Variants in RTTN observed in about 807,000 individuals in gnomAD.
RTTN encodes the protein rotatin.
RTTN carries 182 observed loss-of-function variants against 269.2 expected under a neutral mutation model. The observed-to-expected ratio is 0.68, with a 90% CI of 0.60 to 0.76. RTTN has a LOEUF of 0.76. RTTN is among the 30% of genes least tolerant of loss of function. RTTN has a pLI of 0.00. For synonymous variants in RTTN, 1,006 were observed against 963.5 expected (o/e 1.04, Z -0.82); for missense variants, 2,545 against 2,608.6 (o/e 0.98, Z 0.53).
At chr18:70,084,153 CAA>C (rs1334722660) in intron 32 of RTTN, among the ~76,000 whole-genome samples, 1 of 151,504 alleles carries the variant, frequency 6.6e-6, no homozygotes, top group Non-Finnish European at 1.5e-5. Flanking sequence ...GCCTATGAAA[CAA>C]GAGCACTAGC....
chr18:70,024,852 T>C lies in RTTN; in HGVS notation c.5824-4A>G. ...GGTGAGCTTCAAGAGCTGCTTCCTG[T>C]TGAAGGAAGGGAAAAAGACAGCATT... On this transcript the variant is annotated splice_region_variant and splice_polypyrimidine_tract_variant and intron_variant, in intron 43 of 48. Coordinates refer to ENST00000640769, the MANE Select transcript of RTTN (RefSeq NM_173630.4). 1.2e-6 allele frequency: 2 copies of C among 1,611,998 alleles called. No individual in the cohort carries two copies. The highest frequency in any genetic ancestry group is 2.2e-5 in the South Asian group (2 of 90,532).
chr18:70,036,646 T>C (rs1192913266), intron 40 of RTTN, among the ~76,000 whole-genome samples: 2 of 152,070 alleles, frequency 1.3e-5, no homozygotes, highest in Admixed American at 6.6e-5. Context: ...ACCCCCATGA[T>C]ACAAGTTTAC....
chr18:70,192,722 A>G (rs149264312), intron 8 of RTTN, among the ~76,000 whole-genome samples: 1,867 of 150,576 alleles, frequency 0.012, 23 homozygotes, highest in South Asian at 0.039. Flanking sequence ...AACAAATACC[A>G]TAAATTGTTC....
intron 25 of RTTN, among the ~76,000 whole-genome samples, chr18:70,125,604 T>G (rs2145596036): frequency 6.6e-6 from 1 of 152,138 alleles, no homozygotes; most frequent in African/African-American, 2.4e-5. Context: ...TTCTCTATAT[T>G]TTGTTTTGTC....
At chr18:70,057,679 A>C in intron 37 of RTTN, 63 bp downstream of exon 37, 1 of 1,237,456 alleles carries the variant, frequency 8.1e-7, no homozygotes, top group Non-Finnish European at 1.2e-6. Flanking sequence ...GTATCTCCTC[A>C]GCAAGATTTT....
At chr18:70,097,974 A>T (rs1298378485) in intron 28 of RTTN, among the ~76,000 whole-genome samples, 1 of 152,226 alleles carries the variant, frequency 6.6e-6, no homozygotes, top group East Asian at 1.9e-4. Context: ...TCCTGATTTC[A>T]AAGAGTAAAA....
At position 70,004,254 on chromosome 18, in the gene RTTN, G is replaced by A. The variant is rs1369170284; in HGVS notation, c.6596-18C>T. Reference sequence around the variant, plus strand: ...TGGGAAAGCTGAGATAGAAAAATAAGAGTACAGAAATACTAGTTTATGAAA... The same window carrying A: ...TGGGAAAGCTGAGATAGAAAAATAAAAGTACAGAAATACTAGTTTATGAAA... On this transcript the variant is annotated intron_variant, in intron 48 of 48. Coordinates refer to ENST00000640769, the MANE Select transcript of RTTN (RefSeq NM_173630.4). The A allele has an allele frequency of 6.3e-7, 1 of 1,577,042 alleles. No individual in the cohort carries two copies. The highest frequency in any genetic ancestry group is 8.7e-7 in the Non-Finnish European group (1 of 1,146,808).
intron 4 of RTTN, among the ~76,000 whole-genome samples, chr18:70,201,413 TA>T (rs561925455): frequency 7.6e-5 from 11 of 144,350 alleles, no homozygotes; most frequent in African/African-American, 1.3e-4. Context: ...CCATCCCGGC[TA>T]AAAAAAAAAC....
At position 70,004,094 on chromosome 18, in the gene RTTN, C is replaced by G. The variant is rs1239353822; in HGVS notation, c.*57G>C. 7.3e-7 allele frequency: 1 copy of G among 1,369,484 alleles called. No homozygotes were observed. Among genetic ancestry groups the G allele is most frequent in the Admixed American group, 1.7e-5 (1 of 59,478 alleles). The allele number at this position is 1,369,484 out of a possible 1,614,324, so 84.8% of individuals were successfully genotyped here. ...AACAGCTGCTACACACAGCTGGCTT[C>G]AACTTTAGCTCCCCTGTTGATGACT... On this transcript the variant is annotated 3_prime_UTR_variant, in exon 49 of 49. Transcript: ENST00000640769.
At chr18:70,163,383 A>C (rs1298778686) in intron 14 of RTTN, among the ~76,000 whole-genome samples, 2 of 151,900 alleles carry the variant, frequency 1.3e-5, no homozygotes, top group East Asian at 1.9e-4. Flanking sequence ...TCCATCTCAA[A>C]AAAAAAAAAA....
intron 34 of RTTN, among the ~76,000 whole-genome samples, chr18:70,073,661 A>T (rs1349822673): frequency 6.6e-6 from 1 of 152,208 alleles, no homozygotes; most frequent in Non-Finnish European, 1.5e-5. Flanking sequence ...TACCTATAGC[A>T]CTAATGATCA....
intron 8 of RTTN, 98 bp downstream of exon 8, chr18:70,193,190 A>C: frequency 1.6e-6 from 2 of 1,236,010 alleles, no homozygotes; most frequent in Non-Finnish European, 2.2e-6. Flanking sequence ...AAAAAAAAAA[A>C]AAAAAAGGAC....
At chr18:70,043,346 A>G (rs973734717) in intron 40 of RTTN, among the ~76,000 whole-genome samples, 1 of 152,182 alleles carries the variant, frequency 6.6e-6, no homozygotes, top group Admixed American at 6.5e-5. Context: ...CATAAATTTA[A>G]TACCATTCAC....
Position 70,180,591 on chromosome 18 carries a change from G to GAAAAAAA in RTTN, c.1306-3753_1306-3747dup, listed in dbSNP as rs34828958. Among the ~76,000 whole-genome samples, 4 of 95,076 alleles carry GAAAAAAA rather than the reference G, an allele frequency of 4.2e-5. 1 individual carries two copies. Among genetic ancestry groups the GAAAAAAA allele is most frequent in the Non-Finnish European group, 2.1e-5 (1 of 48,128 alleles). The allele number at this position is 95,076 out of a possible 152,430, so 62.4% of individuals were successfully genotyped here. On this transcript the variant is annotated intron_variant, in intron 10 of 48. Transcript: ENST00000640769. ...AGTGAGACTCTGAGTCTGGGGAAGA[G>GAAAAAAA]AAAAAAAAAAAAAAAAAGCCCTCAC...
At chr18:70,090,524 G>A (rs2058817120) in intron 30 of RTTN, among the ~76,000 whole-genome samples, 1 of 152,160 alleles carries the variant, frequency 6.6e-6, no homozygotes, top group African/African-American at 2.4e-5. Flanking sequence ...GAATGATGTA[G>A]GCATTGTGAG....
In RTTN at chr18:70,142,275, TAA is replaced by T; in HGVS notation, c.2581+11_2581+12del. On this transcript the variant is annotated intron_variant, in intron 19 of 48. Transcript: ENST00000640769. ...TCAGCAGTACAGCAATCATTTCCCT[TAA>T]AAGACATTACCTTGCATAATCACAG... 6.5e-7 allele frequency: 1 copy of T among 1,528,372 alleles called. No homozygotes were observed. The highest frequency in any genetic ancestry group is 1.7e-4 in the Middle Eastern group (1 of 5,888). The allele number at this position is 1,528,372 out of a possible 1,614,324, so 94.7% of individuals were successfully genotyped here. A position where few individuals can be genotyped will look rare whatever the true frequency, so the allele number is the denominator to read the frequency against.
chr18:70,199,555 G>T (rs747654609), intron 4 of RTTN, 51 bp from the exon 5 acceptor site: 6 of 1,247,902 alleles, frequency 4.8e-6, no homozygotes, highest in Non-Finnish European at 7.0e-6. Flanking sequence ...AGAGATGACA[G>T]ATTCACAATG....
Position 70,048,041 on chromosome 18 carries a change from ACT to A in RTTN, c.5469_5470del (p.Val1824GlyfsTer5), listed in dbSNP as rs1555704436. 28 of 1,614,170 alleles carry A rather than the reference ACT, an allele frequency of 1.7e-5. No homozygotes were observed. Among genetic ancestry groups the A allele is most frequent in the Non-Finnish European group, 2.4e-5 (28 of 1,179,986 alleles). On this transcript the variant is annotated frameshift_variant, in exon 40 of 49. Coordinates refer to ENST00000640769, the MANE Select transcript of RTTN (RefSeq NM_173630.4). LOFTEE classifies it high-confidence loss of function. ...CTGAGAGTCATCAAGAAGTGAAGCC[ACT>A]GTTGGACTACAGCATAAATGTGTTT...
At chr18:70,138,479 A>G (rs548355391) in intron 21 of RTTN, 7 of 152,326 alleles carry the variant, frequency 4.6e-5, no homozygotes, top group Non-Finnish European at 1.0e-4. Context: ...AATAAGTTCC[A>G]TGCTTGAATA....
Sources: allele counts gnomAD v4.1 joint callset (sites outside exome capture counted in the v4.1 genomes callset), GRCh38; gene constraint gnomAD v4.1.1; transcripts MANE v1.5; gene names NCBI Gene and HGNC (gene_info 2026-07-23, HGNC 2026-07-21).